Variants in ASTN2 observed in about 807,000 individuals in gnomAD.
The protein encoded by ASTN2 is astrotactin 2, also known as astrotactin-2.
ASTN2 carries 54 observed loss-of-function variants against 139.8 expected under a neutral mutation model. The ratio of observed to expected loss-of-function variants is 0.39; its 90% CI spans 0.31 to 0.48. The LOEUF is 0.48. ASTN2 is among the 20% of genes least tolerant of loss of function. The pLI, the probability that ASTN2 is intolerant of heterozygous loss-of-function variation, is 0.95. For synonymous variants in ASTN2, 756 were observed against 719.5 expected (o/e 1.05, Z -0.81); for missense variants, 1,565 against 1,725.1 (o/e 0.91, Z 1.64).
chr9:116,675,871 G>A (rs1859469508), intron 16 of ASTN2, among the ~76,000 whole-genome samples: 1 of 152,178 alleles, frequency 6.6e-6, no homozygotes, highest in Non-Finnish European at 1.5e-5. Flanking sequence ...ACCTGGAGTG[G>A]ATCAAAGACA....
rs140484650 is a variant in ASTN2, at chr9:116,609,328, C to CTCTATATATA, written c.3355+8995_3355+8996insTATATATAGA. Among the ~76,000 whole-genome samples, 78 of 122,532 alleles carry CTCTATATATA rather than the reference C, an allele frequency of 6.4e-4. 1 individual carries two copies. The highest frequency in any genetic ancestry group is 2.3e-3 in the African/African-American group (72 of 31,594). The allele number at this position is 122,532 out of a possible 152,430, so 80.4% of individuals were successfully genotyped here. Reference sequence around the variant, plus strand: ...TCTCTCTCTCTCTCTCTCTCTCTCTCTATATATATATACACACACACACAT... The same window carrying CTCTATATATA: ...TCTCTCTCTCTCTCTCTCTCTCTCTCTCTATATATATATATATATATACACACACACACAT... On this transcript the variant is annotated intron_variant, in intron 19 of 22. Transcript: ENST00000313400.
At chr9:117,327,442 G>A (rs1828553987) in intron 1 of ASTN2, among the ~76,000 whole-genome samples, 1 of 152,180 alleles carries the variant, frequency 6.6e-6, no homozygotes, top group Admixed American at 6.5e-5. Flanking sequence ...AAGCAGGACA[G>A]TGGGGGTTAC....
intron 22 of ASTN2, among the ~76,000 whole-genome samples, chr9:116,438,841 T>G (rs1439785176): frequency 6.6e-6 from 1 of 152,034 alleles, no homozygotes; most frequent in Non-Finnish European, 1.5e-5. Flanking sequence ...TCCCAGCCAC[T>G]TGGGAGGCTG....
At chr9:116,907,015 T>C (rs1284406184) in intron 10 of ASTN2, among the ~76,000 whole-genome samples, 1 of 152,198 alleles carries the variant, frequency 6.6e-6, no homozygotes, top group Non-Finnish European at 1.5e-5. Flanking sequence ...TATAATGTAA[T>C]CTTTACTACG....
chr9:116,577,874 G>A (rs1352142066), intron 19 of ASTN2, among the ~76,000 whole-genome samples: 1 of 152,134 alleles, frequency 6.6e-6, no homozygotes, highest in Non-Finnish European at 1.5e-5. Flanking sequence ...GAGGTAGAAG[G>A]GCATTTCAGC....
intron 1 of ASTN2, among the ~76,000 whole-genome samples, chr9:117,348,876 T>C (rs1311257105): frequency 1.1e-5 from 1 of 90,274 alleles, no homozygotes; most frequent in African/African-American, 4.4e-5. Flanking sequence ...GGAATTTGTC[T>C]CTGTCCAAAA....
intron 1 of ASTN2, among the ~76,000 whole-genome samples, chr9:117,306,132 T>C (rs1834992620): frequency 6.6e-6 from 1 of 152,194 alleles, no homozygotes; most frequent in Non-Finnish European, 1.5e-5. Context: ...TCAAGACATC[T>C]CAATTGTCAC....
chr9:116,635,927 C>T (rs891840738), intron 17 of ASTN2, among the ~76,000 whole-genome samples: 9 of 152,032 alleles, frequency 5.9e-5, no homozygotes, highest in African/African-American at 1.2e-4. Context: ...GAAGTGAGAA[C>T]GGAGCAAGAA....
intron 16 of ASTN2, among the ~76,000 whole-genome samples, chr9:116,694,675 C>A (rs803935): frequency 6.8e-6 from 1 of 146,034 alleles, no homozygotes; most frequent in African/African-American, 2.6e-5. Context: ...GTTTCACCGT[C>A]TTAGCCAGGA....
At chr9:116,833,292 T>C (rs1042424101) in intron 11 of ASTN2, among the ~76,000 whole-genome samples, 1 of 152,204 alleles carries the variant, frequency 6.6e-6, no homozygotes, top group Non-Finnish European at 1.5e-5. Context: ...TTCTCTCCTC[T>C]CTTCCTTTTC....
chr9:116,952,483 G>A (rs1395222271), intron 10 of ASTN2, among the ~76,000 whole-genome samples: 1 of 152,192 alleles, frequency 6.6e-6, no homozygotes, highest in East Asian at 1.9e-4. Context: ...GAGCAGCCTT[G>A]AGCATCTGGC....
intron 3 of ASTN2, among the ~76,000 whole-genome samples, chr9:117,208,364 A>G (rs964675804): frequency 6.6e-6 from 1 of 152,030 alleles, no homozygotes; most frequent in Admixed American, 6.6e-5. Flanking sequence ...AAGAAAGTAA[A>G]CATATGAATC....
At chr9:117,387,392 T>C (rs1319750843) in intron 1 of ASTN2, among the ~76,000 whole-genome samples, 3 of 152,148 alleles carry the variant, frequency 2.0e-5, no homozygotes, top group Admixed American at 2.0e-4. Context: ...GTGCTGCCAA[T>C]AGCAGGAACT....
intron 22 of ASTN2, among the ~76,000 whole-genome samples, chr9:116,429,538 A>T (rs1459296685): frequency 6.6e-6 from 1 of 152,140 alleles, no homozygotes; most frequent in Non-Finnish European, 1.5e-5. Context: ...AAGTCAGTAC[A>T]CGTCAAACTC....
chr9:116,767,480 C>T (rs1829841287), intron 13 of ASTN2, among the ~76,000 whole-genome samples: 1 of 152,212 alleles, frequency 6.6e-6, no homozygotes, highest in Admixed American at 6.5e-5. Context: ...CCTGACAAAA[C>T]ATTTCAAAGC....
intron 20 of ASTN2, among the ~76,000 whole-genome samples, chr9:116,458,260 C>T (rs2118954653): frequency 6.7e-6 from 1 of 148,952 alleles, no homozygotes; most frequent in South Asian, 2.1e-4. Context: ...TTAATAGGCA[C>T]AAAAATATAA....
At chr9:117,259,024 T>C (rs1564111719) in intron 2 of ASTN2, among the ~76,000 whole-genome samples, 1 of 152,112 alleles carries the variant, frequency 6.6e-6, no homozygotes, top group Non-Finnish European at 1.5e-5. Flanking sequence ...AGATACAAAA[T>C]AATAAAAATA....
In ASTN2 at chr9:117,277,547, C is replaced by T. The variant is rs185200450; in HGVS notation, c.630+13779G>A. Among the ~76,000 whole-genome samples the T allele has an allele frequency of 2.0e-3, 308 of 152,240 alleles. 1 individual carries two copies. Among genetic ancestry groups the T allele is most frequent in the African/African-American group, 6.9e-3 (286 of 41,528 alleles). ...CCTCAAAAAATTAAAAATGGAACTA[C>T]CATATGATCCAGAAATTTCACCCTA... On this transcript the variant is annotated intron_variant, in intron 2 of 22. Transcript: ENST00000313400.
chr9:116,872,506 G>A (rs943672547), intron 10 of ASTN2, among the ~76,000 whole-genome samples: 1 of 152,144 alleles, frequency 6.6e-6, no homozygotes, highest in Non-Finnish European at 1.5e-5. Context: ...TTGGTGCTAG[G>A]CTTGTTCTGG....
Sources: gnomAD v4.1 joint callset for allele counts (sites outside exome capture counted in the v4.1 genomes callset) on GRCh38, gnomAD v4.1.1 for gene constraint, MANE v1.5 for transcripts, NCBI Gene and HGNC (gene_info 2026-07-23, HGNC 2026-07-21) for gene names.